The following CDH13 variants were observed in gnomAD, a reference collection of about 807,000 sequenced individuals.
The protein encoded by CDH13 is cadherin 13, also known as cadherin-13.
In CDH13, 24 loss-of-function variants were observed where a neutral mutation model predicts 63.8. That is an observed-to-expected ratio of 0.38 (90% CI 0.27 to 0.53). The LOEUF (loss-of-function observed/expected upper bound fraction) is 0.53. Ranked by LOEUF, CDH13 falls within the 20% of genes least tolerant of loss-of-function variation. The pLI, the probability that CDH13 is intolerant of heterozygous loss-of-function variation, is 0.85. For synonymous variants in CDH13, 503 were observed against 355.3 expected, an observed-to-expected ratio of 1.42 and a Z score of -4.67; for missense variants, 1,049 against 903.1, an observed-to-expected ratio of 1.16 and a Z score of -2.07.
intron 2 of CDH13, among the ~76,000 whole-genome samples, chr16:82,865,112 AC>A (rs1289246376): frequency 1.3e-5 from 2 of 151,998 alleles, no homozygotes; most frequent in African/African-American, 4.8e-5. Context: ...GGGCAGTTCC[AC>A]CCCCATGGCT....
intron 2 of CDH13, among the ~76,000 whole-genome samples, chr16:82,959,439 C>T (rs1389207050): frequency 1.3e-5 from 2 of 152,180 alleles, no homozygotes; most frequent in Non-Finnish European, 2.9e-5. Flanking sequence ...GTCTGAATGG[C>T]TTTGGTTCCT....
At chr16:83,685,155 A>G (rs1457600865) in intron 10 of CDH13, among the ~76,000 whole-genome samples, 2 of 152,114 alleles carry the variant, frequency 1.3e-5, no homozygotes, top group African/African-American at 4.8e-5. Flanking sequence ...TTTAAATTTT[A>G]TTGGCCAAAA....
At chr16:82,798,946 T>C (rs1187623871) in intron 1 of CDH13, among the ~76,000 whole-genome samples, 1 of 152,126 alleles carries the variant, frequency 6.6e-6, no homozygotes, top group East Asian at 1.9e-4. Flanking sequence ...CCCAGAAAGG[T>C]GCCCAAGGAA....
At chr16:83,708,340 C>T (rs1567535905) in intron 10 of CDH13, among the ~76,000 whole-genome samples, 1 of 152,214 alleles carries the variant, frequency 6.6e-6, no homozygotes, top group Non-Finnish European at 1.5e-5. Flanking sequence ...GGTTCAACCT[C>T]ATTATAATGG....
chr16:82,981,113 A>T (rs1910202876), intron 2 of CDH13, among the ~76,000 whole-genome samples: 1 of 152,170 alleles, frequency 6.6e-6, no homozygotes, highest in African/African-American at 2.4e-5. Context: ...CTCCATTTCT[A>T]TGGGAATATT....
At chr16:82,894,642 C>A (rs1352361157) in intron 2 of CDH13, among the ~76,000 whole-genome samples, 1 of 151,266 alleles carries the variant, frequency 6.6e-6, no homozygotes, top group Non-Finnish European at 1.5e-5. Context: ...ACCTCCATCT[C>A]AAAAAAAGAG....
intron 6 of CDH13, among the ~76,000 whole-genome samples, chr16:83,352,889 C>G (rs1259026366): frequency 6.6e-6 from 1 of 151,970 alleles, no homozygotes; most frequent in Admixed American, 6.6e-5. Context: ...GACTCCGTCT[C>G]AAAAAAATAA....
At chr16:83,116,529 G>A (rs1431964496) in intron 3 of CDH13, among the ~76,000 whole-genome samples, 1 of 131,920 alleles carries the variant, frequency 7.6e-6, no homozygotes, top group Non-Finnish European at 1.8e-5. Context: ...ATGAAAGAGG[G>A]TGAAGTTCAT....
chr16:83,187,133 A>G (rs935547388), intron 4 of CDH13, among the ~76,000 whole-genome samples: 10 of 151,884 alleles, frequency 6.6e-5, no homozygotes, highest in South Asian at 2.1e-4. Flanking sequence ...ACCACACACA[A>G]CTAATTTTTA....
At chr16:82,993,454 T>C (rs770422649) in intron 2 of CDH13, among the ~76,000 whole-genome samples, 4 of 152,204 alleles carry the variant, frequency 2.6e-5, no homozygotes, top group Non-Finnish European at 5.9e-5. Context: ...GGTGTGTAAA[T>C]TGACTCCGTG....
At chr16:83,514,372 G>A (rs1253183077) in intron 7 of CDH13, among the ~76,000 whole-genome samples, 2 of 152,140 alleles carry the variant, frequency 1.3e-5, no homozygotes, top group Admixed American at 6.5e-5. Context: ...GGCCGGGTTC[G>A]GTGGCTCATG....
intron 7 of CDH13, among the ~76,000 whole-genome samples, chr16:83,505,557 T>TTG (rs2074377093): frequency 7.0e-6 from 1 of 143,604 alleles, no homozygotes; most frequent in East Asian, 1.9e-4. Flanking sequence ...TTTTTTTTTT[T>TTG]TTGAGAAGGA....
rs139820865 is a variant in CDH13, at chr16:83,347,208, G to A, written c.781+2202G>A. On this transcript the variant is annotated intron_variant, in intron 6 of 13. Coordinates refer to ENST00000567109, the MANE Select transcript of CDH13 (RefSeq NM_001257.5). ...TCCAACCTCTTCTTCAACTTAAATC[G>A]TTTACAAGTAATAACAAACCCTAAC... 6.9e-3 allele frequency among the ~76,000 whole-genome samples: 1,052 copies of A among 152,198 alleles called. 6 individuals carry two copies. The highest frequency in any genetic ancestry group is 9.4e-3 in the Non-Finnish European group (639 of 68,014).
At chr16:83,587,975 G>C (rs181688663) in intron 7 of CDH13, among the ~76,000 whole-genome samples, 1 of 145,176 alleles carries the variant, frequency 6.9e-6, no homozygotes, top group Non-Finnish European at 1.5e-5. Context: ...GATCATTTCC[G>C]TCCAAACCTC....
At chr16:82,793,765 G>A (rs921638366) in intron 1 of CDH13, among the ~76,000 whole-genome samples, 1 of 152,150 alleles carries the variant, frequency 6.6e-6, no homozygotes, top group African/African-American at 2.4e-5. Context: ...CTCTGAATGA[G>A]GTGAATGGCC....
intron 4 of CDH13, among the ~76,000 whole-genome samples, chr16:83,190,741 T>C (rs1456105401): frequency 6.6e-6 from 1 of 152,218 alleles, no homozygotes; most frequent in Non-Finnish European, 1.5e-5. Context: ...ATGTGAAGAT[T>C]GCAATTAGTT....
chr16:83,387,522 A>G (rs1306271159), intron 6 of CDH13, among the ~76,000 whole-genome samples: 2 of 152,226 alleles, frequency 1.3e-5, no homozygotes, highest in Non-Finnish European at 2.9e-5. Flanking sequence ...TAAAAATTTA[A>G]AGTAAATGAA....
chr16:82,662,500 T>C (rs16958029), intron 1 of CDH13, among the ~76,000 whole-genome samples: 4,507 of 152,302 alleles, frequency 0.03, 199 homozygotes, highest in African/African-American at 0.1. Context: ...GACTGGTTAA[T>C]GGTGCTACCT....
chr16:83,419,166 C>G (rs1040143154), intron 6 of CDH13, among the ~76,000 whole-genome samples: 1 of 152,142 alleles, frequency 6.6e-6, no homozygotes, highest in Admixed American at 6.6e-5. Flanking sequence ...TTCATGAAAT[C>G]TGTGACCAGC....
Sources: gnomAD v4.1 joint callset for allele counts (sites outside exome capture counted in the v4.1 genomes callset) on GRCh38, gnomAD v4.1.1 for gene constraint, MANE v1.5 for transcripts, NCBI Gene and HGNC (gene_info 2026-07-23, HGNC 2026-07-21) for gene names.